The following USF3 variants were observed in gnomAD, a reference collection of about 807,000 sequenced individuals.
USF3 encodes the protein upstream transcription factor family member 3.
In USF3, 29 loss-of-function variants were observed where a neutral mutation model predicts 157.5. That is an observed-to-expected ratio of 0.18 (90% CI 0.14 to 0.25). USF3 has a LOEUF of 0.25. USF3 is among the 10% of genes least tolerant of loss of function. The pLI is 1.00. For missense variants in USF3, 2,381 were observed against 2,667.6 expected, an observed-to-expected ratio of 0.89 and a Z score of 2.37; for synonymous variants, 893 against 941.4, an observed-to-expected ratio of 0.95 and a Z score of 0.94.
At position 113,653,615 on chromosome 3, in the gene USF3, A is replaced by AC. The variant is rs1186246293; in HGVS notation, c.*1328_*1329insG. 5 of 151,800 alleles carry AC rather than the reference A, an allele frequency of 3.3e-5. No individual in the cohort carries two copies. Among genetic ancestry groups the AC allele is most frequent in the Admixed American group, 3.3e-4 (5 of 15,202 alleles). 9.4% of individuals were successfully genotyped at this position (151,800 alleles called of 1,614,324 possible). A position where few individuals can be genotyped will look rare whatever the true frequency, so the allele number is the denominator to read the frequency against. On this transcript the variant is annotated 3_prime_UTR_variant, in exon 7 of 7. Coordinates refer to ENST00000316407, the MANE Select transcript of USF3 (RefSeq NM_001009899.4). ...CAGACTCCATCTATTAAAAAAAAAA[A>AC]AAAAAAAAAAACCCTACCTATATCA...
In USF3 at chr3:113,656,360, AGCCTGGGACT is replaced by A; in HGVS notation, c.5312_5321del (p.Gln1771LeufsTer110). 6.2e-7 allele frequency: 1 copy of A among 1,614,134 alleles called. No individual in the cohort carries two copies. The highest frequency in any genetic ancestry group is 8.5e-7 in the Non-Finnish European group (1 of 1,180,030). On this transcript the variant is annotated frameshift_variant, in exon 7 of 7. Coordinates refer to ENST00000316407, the MANE Select transcript of USF3 (RefSeq NM_001009899.4). LOFTEE classifies it high-confidence loss of function. ...GGCCAGTGTTTTGACTAATTCGAAA[AGCCTGGGACT>A]GCATACTCCGCAATGATGATACAGG...
intron 5 of USF3, among the ~76,000 whole-genome samples, chr3:113,667,121 TTC>T (rs1947582303): frequency 6.6e-6 from 1 of 152,204 alleles, no homozygotes; most frequent in African/African-American, 2.4e-5. Flanking sequence ...CAATTTATAA[TTC>T]TGAGTTCTTT....
chr3:113,683,589 C>T (rs1489729561), intron 1 of USF3, among the ~76,000 whole-genome samples: 1 of 151,178 alleles, frequency 6.6e-6, no homozygotes, highest in African/African-American at 2.4e-5. Context: ...CTGCTTCAGC[C>T]GCCCAAGTAG....
At chr3:113,678,471 G>A (rs1308989260) in intron 1 of USF3, among the ~76,000 whole-genome samples, 2 of 151,848 alleles carry the variant, frequency 1.3e-5, no homozygotes, top group East Asian at 1.9e-4. Context: ...GAAAGAGGAA[G>A]ACAACTGTAA....
rs1419332011 is a variant in USF3, at chr3:113,649,485, A to T, written c.*5459T>A. 4.6e-6 allele frequency: 1 copy of T among 215,622 alleles called. No individual in the cohort carries two copies. Among genetic ancestry groups the T allele is most frequent in the Non-Finnish European group, 9.1e-6 (1 of 109,992 alleles). The allele number at this position is 215,622 out of a possible 1,614,324, so 13.4% of individuals were successfully genotyped here. A position where few individuals can be genotyped will look rare whatever the true frequency, so the allele number is the denominator to read the frequency against. ...ACATACAAGCTCTGAGTTTAACAGGAGTTTTGCTACTAGGTTTTTTTTTTG... is the reference window on the plus strand; with the variant it reads ...ACATACAAGCTCTGAGTTTAACAGGTGTTTTGCTACTAGGTTTTTTTTTTG... On this transcript the variant is annotated 3_prime_UTR_variant, in exon 7 of 7. Transcript: ENST00000316407.
chr3:113,674,400 T>C lies in USF3; in HGVS notation c.47+432A>G, dbSNP rs183957465. On this transcript the variant is annotated intron_variant, in intron 3 of 6. Transcript: ENST00000316407. ...CTCTGTCACCCAGGCTGGAGTGCAGTGGCATGATTTTGGCTCACTGCAACC... is the reference window on the plus strand; with the variant it reads ...CTCTGTCACCCAGGCTGGAGTGCAGCGGCATGATTTTGGCTCACTGCAACC... Among the ~76,000 whole-genome samples, 593 of 152,230 alleles carry C rather than the reference T, an allele frequency of 3.9e-3. 4 individuals are homozygous for C. Among genetic ancestry groups the C allele is most frequent in the African/African-American group, 0.014 (561 of 41,540 alleles).
intron 4 of USF3, 143 bp downstream of exon 4, chr3:113,673,205 A>G (rs1376349158): frequency 3.2e-6 from 2 of 626,298 alleles, no homozygotes; most frequent in Non-Finnish European, 5.7e-6. Context: ...TATTTTGTCA[A>G]TAAAAAACAA....
intron 1 of USF3, among the ~76,000 whole-genome samples, chr3:113,690,512 C>A (rs1178620041): frequency 1.3e-5 from 2 of 152,184 alleles, no homozygotes; most frequent in Non-Finnish European, 2.9e-5. Flanking sequence ...CTCACCTACC[C>A]CCTTCCACCT....
At position 113,658,873 on chromosome 3, in the gene USF3, G is replaced by A; in HGVS notation, c.2809C>T (p.Pro937Ser). The A allele has an allele frequency of 1.2e-6, 2 of 1,614,200 alleles. No homozygotes were observed. The highest frequency in any genetic ancestry group is 1.7e-6 in the Non-Finnish European group (2 of 1,180,032). Reference sequence around the variant, plus strand: ...ATCAATACATTGGCTGAAGCGCAGGGTTTGGCAGCATCTGATAATGCTAAA... The same window carrying A: ...ATCAATACATTGGCTGAAGCGCAGGATTTGGCAGCATCTGATAATGCTAAA... The part of the protein sequence containing the change: ...SSLALSDAAK[P>S]CASANVLIPS... The change falls in exon 7 of 7, where the codon CCC (proline) becomes TCC (serine). Residue 937 changes from proline to serine, a missense_variant. By Grantham distance (74) the Pro-to-Ser change is moderately conservative. Transcript: ENST00000316407.
intron 4 of USF3, among the ~76,000 whole-genome samples, chr3:113,671,239 G>T (rs562145636): frequency 6.6e-6 from 1 of 152,254 alleles, no homozygotes; most frequent in South Asian, 2.1e-4. Context: ...TGGCAAATGG[G>T]CAAATGAGGC....
chr3:113,658,026 A>T lies in USF3; in HGVS notation c.3656T>A (p.Ile1219Asn). 6.2e-7 allele frequency: 1 copy of T among 1,614,150 alleles called. No individual in the cohort carries two copies. Among genetic ancestry groups the T allele is most frequent in the Non-Finnish European group, 8.5e-7 (1 of 1,180,016 alleles). ...PLEKPSCSLG[I>N]KTSNASLQDS... Reference sequence around the variant, plus strand: ...CTGTAAAGATGCATTTGATGTTTTAATTCCTAGAGAACAACTTGGTTTCTC... The same window carrying T: ...CTGTAAAGATGCATTTGATGTTTTATTTCCTAGAGAACAACTTGGTTTCTC... The change falls in exon 7 of 7, where the codon ATT (isoleucine) becomes AAT (asparagine). Residue 1219 changes from isoleucine (I) to asparagine (N), a missense_variant. Physicochemically the swap from Ile to Asn is moderately radical, Grantham distance 149 (BLOSUM62 -3). This residue lies in a region of USF3 where 1,435 missense variants were observed against 1,550.9 expected (regional missense o/e 0.93). Coordinates refer to ENST00000316407, the MANE Select transcript of USF3 (RefSeq NM_001009899.4).
At chr3:113,694,400 T>C (rs1350687457) in intron 1 of USF3, among the ~76,000 whole-genome samples, 1 of 152,230 alleles carries the variant, frequency 6.6e-6, no homozygotes. Context: ...TCTACAACCT[T>C]AGAATTTTAC....
At position 113,656,672 on chromosome 3, in the gene USF3, A is replaced by G. The variant is rs1321703221; in HGVS notation, c.5010T>C (p.Ala1670=). 1 of 1,614,192 alleles carries G rather than the reference A, an allele frequency of 6.2e-7. No homozygotes were observed. The highest frequency in any genetic ancestry group is 1.7e-5 in the Admixed American group (1 of 60,030). The change falls in exon 7 of 7, where the codon GCT becomes GCC. Residue 1670 remains alanine, a synonymous_variant. Coordinates refer to ENST00000316407, the MANE Select transcript of USF3 (RefSeq NM_001009899.4). ...AAGATGTCTTTCCAATGAGTGCCTC[A>G]GCAGAATAACTTGAAACTCTATTTC... ...PERNRVSSYS[A]EALIGKTSSN...
chr3:113,656,611 C>T lies in USF3; in HGVS notation c.5071G>A (p.Gly1691Ser). 1 of 1,614,158 alleles carries T rather than the reference C, an allele frequency of 6.2e-7. No homozygotes were observed. Among genetic ancestry groups the T allele is most frequent in the Non-Finnish European group, 8.5e-7 (1 of 1,180,024 alleles). Residue 1691 changes from glycine (G) to serine (S), a missense_variant, in exon 7 of 7, where the codon GGT becomes AGT. By Grantham distance (56) the Gly-to-Ser change is moderately conservative. Coordinates refer to ENST00000316407, the MANE Select transcript of USF3 (RefSeq NM_001009899.4). ...TCAAGCTGATCTGAAACTCTGGAAC[C>T]CTGAATTGATATCCCCATTCTCTGC... ...SEQRMGISIQGSRVSDQLEMR... is the reference protein window; with the variant it reads ...SEQRMGISIQSSRVSDQLEMR...
At chr3:113,687,861 G>C (rs974873612) in intron 1 of USF3, among the ~76,000 whole-genome samples, 5 of 152,232 alleles carry the variant, frequency 3.3e-5, no homozygotes, top group Admixed American at 6.5e-5. Context: ...CATGCACAAT[G>C]TGTAACTCAA....
Position 113,656,524 on chromosome 3 carries a change from G to T in USF3, c.5158C>A (p.Arg1720Ser), listed in dbSNP as rs377048228. 3.7e-6 allele frequency: 6 copies of T among 1,614,038 alleles called. No homozygotes were observed. The African/African-American group carries it at 8.0e-5, about 22-fold the overall frequency. The change falls in exon 7 of 7, where the codon CGT (arginine) becomes AGT (serine). Residue 1720 changes from arginine (R) to serine (S), a missense_variant. Transcript: ENST00000316407. ...KSLAIHNMQG[R>S]VDHTVASDIR... The stretch of plus-strand genomic sequence containing the variant: ...TCTGAGGCCACAGTATGGTCCACAC[G>T]ACCCTGCATATTATGAATAGCCAAA...
chr3:113,683,643 A>C (rs1433759715), intron 1 of USF3, among the ~76,000 whole-genome samples: 1 of 151,698 alleles, frequency 6.6e-6, no homozygotes, highest in East Asian at 1.9e-4. Context: ...TGATTTTTAT[A>C]TTTTTAGTAG....
At chr3:113,670,034 A>C in intron 5 of USF3, 87 bp downstream of exon 5, 1 of 847,516 alleles carries the variant, frequency 1.2e-6, no homozygotes, top group Non-Finnish European at 2.0e-6. Context: ...AATAGAAAGC[A>C]ACAAAAATAA....
chr3:113,659,971 C>A lies in USF3; in HGVS notation c.1711G>T (p.Val571Phe). The A allele has an allele frequency of 6.2e-7, 1 of 1,614,222 alleles. No individual in the cohort carries two copies. The highest frequency in any genetic ancestry group is 8.5e-7 in the Non-Finnish European group (1 of 1,180,034). Residue 571 changes from valine (V) to phenylalanine (F), a missense_variant, in exon 7 of 7, where the codon GTT becomes TTT. Physicochemically the swap from Val to Phe is conservative, Grantham distance 50. Coordinates refer to ENST00000316407, the MANE Select transcript of USF3 (RefSeq NM_001009899.4). The stretch of plus-strand genomic sequence containing the variant: ...TGTTGACCTACTGTTTGGTTGGAAA[C>A]TTCTGCCCTCATCACTGTTGGGCAT... ...TPCPTVMRAE[V>F]SNQTVGQQIV...
Sources: allele counts gnomAD v4.1 joint callset (sites outside exome capture counted in the v4.1 genomes callset), GRCh38; gene constraint gnomAD v4.1.1; regional missense constraint gnomAD v4.1.1; transcripts MANE v1.5; gene names NCBI Gene and HGNC (gene_info 2026-07-23, HGNC 2026-07-21).